PFKFB4: variants seen among roughly 807,000 people sequenced by gnomAD.
PFKFB4 encodes 6-phosphofructo-2-kinase/fructose-2,6-biphosphatase 4.
PFKFB4 carries 42 observed loss-of-function variants against 62.8 expected under a neutral mutation model. That is an observed-to-expected ratio of 0.67 (90% CI 0.52 to 0.86). The LOEUF is 0.86. Among genes scored for constraint, PFKFB4 ranks in the 40% least tolerant of loss-of-function variants. The probability of loss-of-function intolerance (pLI) is 0.00; values close to 1 mark genes in which losing one functional copy is unlikely to be tolerated. For synonymous variants in PFKFB4, 204 were observed against 240.7 expected (o/e 0.85, Z 1.41); for missense variants, 475 against 627.2 (o/e 0.76, Z 2.59).
chr3:48,549,878 G>T lies in PFKFB4; in HGVS notation c.297C>A (p.Gly99=). The change falls in exon 3 of 14, where the codon GGC becomes GGA. Residue 99 remains glycine (G), a synonymous_variant. Transcript: ENST00000232375. ...CATATACTTACTTCCTGATTTTCAGGCCCTCTTCATTGTCGGGGAGAAAAA... is the reference window on the plus strand; with the variant it reads ...CATATACTTACTTCCTGATTTTCAGTCCCTCTTCATTGTCGGGGAGAAAAA... ...FEFFLPDNEE[G]LKIRKQCALA... 6.2e-7 allele frequency: 1 copy of T among 1,607,554 alleles called. No homozygotes were observed. The highest frequency in any genetic ancestry group is 1.7e-4 in the Middle Eastern group (1 of 6,046).
chr3:48,556,649 C>CT lies in PFKFB4; in HGVS notation c.97+31dup, dbSNP rs1560184230. ...GCCCTACCCACCCATCCCGGTGCACCTCCCACCTCCTCCCAGAGGACCCCG... is the reference window on the plus strand; with the variant it reads ...GCCCTACCCACCCATCCCGGTGCACCTTCCCACCTCCTCCCAGAGGACCCCG... On this transcript the variant is annotated intron_variant, in intron 1 of 13. Coordinates refer to ENST00000232375, the MANE Select transcript of PFKFB4 (RefSeq NM_004567.4). This position sits in a 1 kb window ranked among gnomAD's most constrained non-coding sequence, Gnocchi z 5.7. The CT allele has an allele frequency of 1.9e-6, 3 of 1,606,090 alleles. No homozygotes were observed. Among genetic ancestry groups the CT allele is most frequent in the Non-Finnish European group, 2.6e-6 (3 of 1,175,620 alleles).
intron 9 of PFKFB4, 59 bp from the exon 10 acceptor site, chr3:48,525,728 C>T (rs2042237001): frequency 2.2e-6 from 2 of 898,662 alleles, no homozygotes; most frequent in Non-Finnish European, 3.4e-6. Flanking sequence ...GCCTTGGGGA[C>T]ATGTGGGGTG....
intron 3 of PFKFB4, among the ~76,000 whole-genome samples, chr3:48,543,962 T>C (rs759983733): frequency 1.3e-5 from 2 of 151,992 alleles, no homozygotes; most frequent in African/African-American, 2.4e-5. Context: ...TTTCTAATTG[T>C]CATATATTTT....
At chr3:48,539,046 G>C (rs77802201) in intron 6 of PFKFB4, among the ~76,000 whole-genome samples, 1 of 152,084 alleles carries the variant, frequency 6.6e-6, no homozygotes, top group Non-Finnish European at 1.5e-5. Context: ...AGGTGGTTAC[G>C]AGGCGGAGGT....
At chr3:48,553,710 G>A (rs1254645639) in intron 1 of PFKFB4, among the ~76,000 whole-genome samples, 1 of 152,286 alleles carries the variant, frequency 6.6e-6, no homozygotes, top group East Asian at 1.9e-4. Context: ...TGCCAGAATT[G>A]ACTCCTGAAC....
upstream of PFKFB4, chr3:48,561,271 T>G: frequency 3.4e-6 from 1 of 291,240 alleles, no homozygotes; most frequent in Non-Finnish European, 6.6e-6. This position sits in a 1 kb window ranked among gnomAD's most constrained non-coding sequence, Gnocchi z 5.2. Flanking sequence ...TGCTTACAAC[T>G]GTGAGGGCAG....
intron 13 of PFKFB4, among the ~76,000 whole-genome samples, chr3:48,520,319 TAGA>T (rs2042058842): frequency 6.6e-6 from 1 of 152,136 alleles, no homozygotes; most frequent in African/African-American, 2.4e-5. Context: ...CCCTCAGCTA[TAGA>T]AGGACCCCAC....
intron 9 of PFKFB4, among the ~76,000 whole-genome samples, chr3:48,532,191 T>C (rs890258614): frequency 3.9e-5 from 6 of 152,270 alleles, no homozygotes; most frequent in Non-Finnish European, 8.8e-5. Context: ...GGGCCTGTAA[T>C]CCCAGCTACT....
intron 9 of PFKFB4, among the ~76,000 whole-genome samples, chr3:48,529,797 T>C (rs2107492317): frequency 6.6e-6 from 1 of 151,684 alleles, no homozygotes; most frequent in East Asian, 1.9e-4. Context: ...TTACAGAAAA[T>C]ACAAAAATTA....
chr3:48,525,481 G>A (rs2042226474), intron 10 of PFKFB4, 84 bp downstream of exon 10: 3 of 675,160 alleles, frequency 4.4e-6, no homozygotes, highest in Non-Finnish European at 7.5e-6. Flanking sequence ...CGCAGCCCCT[G>A]CAGAGCCCCA....
At position 48,556,243 on chromosome 3, in the gene PFKFB4, G is replaced by A. The variant is rs1325492916; in HGVS notation, c.97+438C>T. On this transcript the variant is annotated intron_variant, in intron 1 of 13. Transcript: ENST00000232375. This position sits in a 1 kb window ranked among gnomAD's most constrained non-coding sequence, Gnocchi z 5.7. The stretch of plus-strand genomic sequence containing the variant: ...CCCACCTTTGAAAGTTCTGGGCTCA[G>A]AGAGGCCAAGTAATTCACCTAGGGC... The A allele has an allele frequency of 8.5e-6, 4 of 468,100 alleles. No individual in the cohort carries two copies. Among genetic ancestry groups the A allele is most frequent in the African/African-American group, 7.9e-5 (4 of 50,572 alleles). The allele number at this position is 468,100 out of a possible 1,614,324, so 29.0% of individuals were successfully genotyped here. A position where few individuals can be genotyped will look rare whatever the true frequency, so the allele number is the denominator to read the frequency against.
intron 4 of PFKFB4, among the ~76,000 whole-genome samples, chr3:48,540,283 G>A (rs931955495): frequency 1.3e-5 from 2 of 152,176 alleles, no homozygotes; most frequent in Non-Finnish European, 2.9e-5. Context: ...CCACGGTGAC[G>A]GACTCAGAGT....
intron 7 of PFKFB4, among the ~76,000 whole-genome samples, chr3:48,537,673 C>G (rs1264445178): frequency 6.6e-6 from 1 of 151,676 alleles, no homozygotes; most frequent in Non-Finnish European, 1.5e-5. Context: ...TACAGCCATG[C>G]GCCACCACAC....
At chr3:48,562,290 G>A (rs2043443804), upstream of PFKFB4, 2 of 157,736 alleles carry the variant, frequency 1.3e-5, no homozygotes, top group Admixed American at 1.2e-4. This position sits in a 1 kb window ranked among gnomAD's most constrained non-coding sequence, Gnocchi z 4.3. Context: ...TCTGTGTGGT[G>A]GCCTATGGGA....
At chr3:48,553,176 A>G (rs1281627201) in intron 1 of PFKFB4, among the ~76,000 whole-genome samples, 2 of 152,194 alleles carry the variant, frequency 1.3e-5, no homozygotes, top group Non-Finnish European at 2.9e-5. Flanking sequence ...ACAGGATGGT[A>G]GAATACACTG....
At chr3:48,526,022 C>T (rs2107470749) in intron 9 of PFKFB4, 1 of 159,482 alleles carries the variant, frequency 6.3e-6, no homozygotes. Flanking sequence ...GGGATACACA[C>T]ACACACACAG....
intron 4 of PFKFB4, among the ~76,000 whole-genome samples, chr3:48,540,123 T>C (rs1004723335): frequency 2.0e-5 from 3 of 152,226 alleles, no homozygotes; most frequent in Non-Finnish European, 4.4e-5. Context: ...GTGAAACCAG[T>C]TAAACCTAGT....
At chr3:48,550,089 C>A in intron 2 of PFKFB4, 29 bp downstream of exon 2, 1 of 1,521,914 alleles carries the variant, frequency 6.6e-7, no homozygotes, top group Non-Finnish European at 9.1e-7. Flanking sequence ...CCACAAAGCT[C>A]CCCTTAGACA....
At chr3:48,536,771 T>A (rs915518699) in intron 7 of PFKFB4, 3 of 371,574 alleles carry the variant, frequency 8.1e-6, no homozygotes, top group Non-Finnish European at 1.5e-5. Context: ...CCGCTGCTCA[T>A]GTGTCCCTGG....
Sources: gnomAD v4.1 joint callset for allele counts (sites outside exome capture counted in the v4.1 genomes callset) on GRCh38, gnomAD v4.1.1 for gene constraint, Gnocchi (gnomAD v3.1) non-coding constraint, MANE v1.5 for transcripts, NCBI Gene and HGNC (gene_info 2026-07-23, HGNC 2026-07-21) for gene names.